Variants in NOD1 observed in about 807,000 individuals in gnomAD.
The protein encoded by NOD1 is nucleotide binding oligomerization domain containing 1.
In NOD1, 70 loss-of-function variants were observed where a neutral mutation model predicts 81.2. The ratio of observed to expected loss-of-function variants is 0.86; its 90% CI spans 0.71 to 1.05. NOD1 has a LOEUF of 1.05. Ranked by LOEUF, NOD1 falls within the 50% of genes least tolerant of loss-of-function variation. The pLI is 0.00. For missense variants in NOD1, 1,233 were observed against 1,228.0 expected (o/e 1.00, Z -0.06); for synonymous variants, 508 against 526.9 (o/e 0.96, Z 0.49).
At chr7:30,428,385 C>A (rs535733451) in intron 13 of NOD1, 3 of 147,688 alleles carry the variant, frequency 2.0e-5, no homozygotes, top group South Asian at 4.3e-4. Flanking sequence ...TAAAAAAAAA[C>A]CTTTTGTCTA....
intron 4 of NOD1, 134 bp downstream of exon 4, chr7:30,456,587 G>T: frequency 1.4e-6 from 1 of 704,014 alleles, no homozygotes; most frequent in Non-Finnish European, 2.5e-6. Flanking sequence ...GCATTTGTGT[G>T]CTATTAGTAC....
intron 11 of NOD1, among the ~76,000 whole-genome samples, chr7:30,433,699 CA>C (rs1359762761): frequency 1.3e-5 from 2 of 152,128 alleles, no homozygotes; most frequent in African/African-American, 4.8e-5. Context: ...TCCTTAGAAC[CA>C]GAAGTGGTCT....
At chr7:30,431,582 G>C (rs1783961475) in intron 12 of NOD1, among the ~76,000 whole-genome samples, 1 of 152,170 alleles carries the variant, frequency 6.6e-6, no homozygotes, top group African/African-American at 2.4e-5. Flanking sequence ...TGCCGGGACA[G>C]CTGGATATCC....
At chr7:30,438,914 G>T (rs1784623580) in intron 9 of NOD1, among the ~76,000 whole-genome samples, 1 of 152,142 alleles carries the variant, frequency 6.6e-6, no homozygotes, top group Non-Finnish European at 1.5e-5. Context: ...TTTCTGAGAA[G>T]ATAATTTTTA....
Position 30,425,632 on chromosome 7 carries a change from A to G in NOD1, c.*6T>C. 6.2e-7 allele frequency: 1 copy of G among 1,610,036 alleles called. No homozygotes were observed. The highest frequency in any genetic ancestry group is 8.5e-7 in the Non-Finnish European group (1 of 1,176,216). On this transcript the variant is annotated 3_prime_UTR_variant, in exon 14 of 14. Transcript: ENST00000222823. ...GCAAAAACCCCATGAACAGGAAAGCATCCTCTCAGAAACAGATAATCCGCT... is the reference window on the plus strand; with the variant it reads ...GCAAAAACCCCATGAACAGGAAAGCGTCCTCTCAGAAACAGATAATCCGCT...
chr7:30,426,804 G>A (rs1783496103), intron 13 of NOD1, among the ~76,000 whole-genome samples: 6 of 151,930 alleles, frequency 3.9e-5, no homozygotes, highest in Admixed American at 3.9e-4. Flanking sequence ...ACTCCCTCCT[G>A]CCCCAGACCC....
Position 30,478,123 on chromosome 7 carries a change from C to T in NOD1, c.-352+483G>A, listed in dbSNP as rs1052284504. 5.3e-5 allele frequency among the ~76,000 whole-genome samples: 8 copies of T among 152,168 alleles called. No individual in the cohort carries two copies. The highest frequency in any genetic ancestry group is 1.9e-4 in the African/African-American group (8 of 41,432). The stretch of plus-strand genomic sequence containing the variant: ...ACCCTCTCTCCAGGACCAAGCAGGA[C>T]ACTGGGAGCTGCTGTCCCGTCTGCA... On this transcript the variant is annotated intron_variant, in intron 1 of 13. Coordinates refer to ENST00000222823, the MANE Select transcript of NOD1 (RefSeq NM_006092.4). The surrounding 1 kb of genome is among the most constrained non-coding windows in gnomAD (Gnocchi z 4.1).
intron 3 of NOD1, among the ~76,000 whole-genome samples, chr7:30,458,436 T>C (rs1285513336): frequency 6.6e-6 from 1 of 152,214 alleles, no homozygotes; most frequent in Non-Finnish European, 1.5e-5. Flanking sequence ...TCCACATCAT[T>C]AATATGTTTC....
chr7:30,447,451 A>G (rs1694107607), intron 7 of NOD1: 1 of 244,722 alleles, frequency 4.1e-6, no homozygotes, highest in African/African-American at 2.3e-5. Context: ...AAGATTCTGA[A>G]TATTAAAACT....
chr7:30,457,040 C>G lies in NOD1; in HGVS notation c.-119G>C. ...CCAGGGCCCCTGCTACTCTGCGCAGCCCCTGAAGAGATCAATGACATCATC... is the reference window on the plus strand; with the variant it reads ...CCAGGGCCCCTGCTACTCTGCGCAGGCCCTGAAGAGATCAATGACATCATC... On this transcript the variant is annotated splice_region_variant and 5_prime_UTR_variant, in exon 4 of 14. Transcript: ENST00000222823. 1.3e-6 allele frequency: 1 copy of G among 759,124 alleles called. No individual in the cohort carries two copies. The highest frequency in any genetic ancestry group is 2.3e-6 in the Non-Finnish European group (1 of 444,122). The allele number at this position is 759,124 out of a possible 1,614,324, so 47.0% of individuals were successfully genotyped here.
chr7:30,464,662 T>A (rs1223941787), intron 1 of NOD1, among the ~76,000 whole-genome samples: 3 of 152,182 alleles, frequency 2.0e-5, no homozygotes, highest in African/African-American at 7.2e-5. Context: ...TGTTTGCTGG[T>A]GATTTTAGGC....
chr7:30,471,950 C>T (rs1268333633), intron 1 of NOD1, among the ~76,000 whole-genome samples: 4 of 152,220 alleles, frequency 2.6e-5, no homozygotes, highest in Non-Finnish European at 5.9e-5. Context: ...CAAATCCTGC[C>T]TCTGCCTTCT....
At chr7:30,437,429 A>G in intron 10 of NOD1, 144 bp downstream of exon 10, 1 of 496,456 alleles carries the variant, frequency 2.0e-6, no homozygotes, top group Non-Finnish European at 3.5e-6. Context: ...CCTCTTATGC[A>G]TCAAAGAAAG....
At chr7:30,432,199 C>T (rs1583663222) in intron 12 of NOD1, among the ~76,000 whole-genome samples, 1 of 152,228 alleles carries the variant, frequency 6.6e-6, no homozygotes, top group African/African-American at 2.4e-5. Context: ...CTTGCAAAAC[C>T]TGTATCTAGT....
At chr7:30,476,630 C>A (rs917402240) in intron 1 of NOD1, among the ~76,000 whole-genome samples, 1 of 152,180 alleles carries the variant, frequency 6.6e-6, no homozygotes, top group Non-Finnish European at 1.5e-5. Context: ...CTTGGAAAGC[C>A]ATTTAAAAGA....
Position 30,436,052 on chromosome 7 carries a change from CCTT to C in NOD1, c.2564_2566del (p.Glu855del), listed in dbSNP as rs781230438. The C allele has an allele frequency of 1.1e-5, 18 of 1,614,060 alleles. No homozygotes were observed. In the African/African-American group the frequency reaches 1.3e-4, roughly 12 times the overall value. On this transcript the variant is annotated inframe_deletion, in exon 11 of 14. Transcript: ENST00000222823. ...CAGGGCCCTCGCAAGGCTCTTTCCT[CCTT>C]CTGTGGAGATGCCGTTGGACGCAAG... is the stretch of plus-strand genomic sequence containing the variant.
At chr7:30,439,183 A>T (rs901397842) in intron 9 of NOD1, among the ~76,000 whole-genome samples, 10 of 152,194 alleles carry the variant, frequency 6.6e-5, no homozygotes, top group African/African-American at 2.4e-4. Context: ...TTCTTCAAAA[A>T]ATTAAAAATT....
intron 13 of NOD1, among the ~76,000 whole-genome samples, chr7:30,428,830 G>T (rs1422204617): frequency 2.6e-5 from 4 of 152,182 alleles, no homozygotes; most frequent in Non-Finnish European, 4.4e-5. Context: ...TGGGAGGCAA[G>T]AAAGAAGTGG....
chr7:30,448,178 G>A (rs1785309184), intron 7 of NOD1, 120 bp downstream of exon 7: 2 of 811,254 alleles, frequency 2.5e-6, no homozygotes, highest in Admixed American at 2.0e-5. Flanking sequence ...TCCTGGGCCA[G>A]CGCTCTTCCC....
Sources: gnomAD v4.1 joint callset for allele counts (sites outside exome capture counted in the v4.1 genomes callset) on GRCh38, gnomAD v4.1.1 for gene constraint, Gnocchi (gnomAD v3.1) non-coding constraint, MANE v1.5 for transcripts, NCBI Gene and HGNC (gene_info 2026-07-23, HGNC 2026-07-21) for gene names.